Variants in ANKS1B observed in about 807,000 individuals in gnomAD.
The protein encoded by ANKS1B is ankyrin repeat and sterile alpha motif domain containing 1B.
In ANKS1B, 36 loss-of-function variants were observed where a neutral mutation model predicts 148.3. The observed-to-expected ratio is 0.24, with a 90% confidence interval of 0.19 to 0.32. ANKS1B has a LOEUF of 0.32. Ranked by LOEUF, ANKS1B falls within the 10% of genes least tolerant of loss-of-function variation. The pLI is 1.00. For missense variants in ANKS1B, 1,157 were observed against 1,542.6 expected, an observed-to-expected ratio of 0.75 and a Z score of 4.19; for synonymous variants, 542 against 560.8, an observed-to-expected ratio of 0.97 and a Z score of 0.47.
intron 8 of ANKS1B, among the ~76,000 whole-genome samples, chr12:99,683,033 G>A (rs2098630287): frequency 2.0e-5 from 3 of 152,166 alleles, no homozygotes; most frequent in South Asian, 4.1e-4. Context: ...AGACATGAGA[G>A]AAAGAGAATC....
At chr12:99,157,377 G>A (rs985051918) in intron 14 of ANKS1B, among the ~76,000 whole-genome samples, 1 of 152,136 alleles carries the variant, frequency 6.6e-6, no homozygotes, top group Non-Finnish European at 1.5e-5. Context: ...ACTTTGGCTT[G>A]GCAAGGCACA....
chr12:99,121,716 G>A (rs916618440), intron 15 of ANKS1B, among the ~76,000 whole-genome samples: 4 of 152,154 alleles, frequency 2.6e-5, no homozygotes, highest in African/African-American at 9.7e-5. Flanking sequence ...ACTGAGTGTT[G>A]CTAAGGGCCA....
chr12:99,530,685 TACAG>T (rs1396517261), intron 9 of ANKS1B, among the ~76,000 whole-genome samples: 1 of 152,164 alleles, frequency 6.6e-6, no homozygotes, highest in African/African-American at 2.4e-5. Flanking sequence ...TTATTTAATC[TACAG>T]ACAGAGGTTA....
At chr12:99,266,609 G>A (rs1230178227) in intron 12 of ANKS1B, among the ~76,000 whole-genome samples, 2 of 152,170 alleles carry the variant, frequency 1.3e-5, no homozygotes, top group Non-Finnish European at 2.9e-5. Context: ...AGAGTAAAGA[G>A]TATAACATTT....
chr12:99,446,032 A>G (rs944633977), intron 10 of ANKS1B, among the ~76,000 whole-genome samples: 1 of 151,852 alleles, frequency 6.6e-6, no homozygotes, highest in African/African-American at 2.4e-5. Context: ...CCAAAAGTAT[A>G]CTCTTAAATG....
intron 26 of ANKS1B, among the ~76,000 whole-genome samples, chr12:98,748,632 C>A (rs1296429827): frequency 5.3e-5 from 8 of 152,214 alleles, no homozygotes; most frequent in African/African-American, 1.9e-4. Context: ...TCTTAGGGAT[C>A]ACTGAATATT....
At chr12:99,191,527 A>C (rs933406800) in intron 14 of ANKS1B, among the ~76,000 whole-genome samples, 2 of 152,222 alleles carry the variant, frequency 1.3e-5, no homozygotes, top group Non-Finnish European at 2.9e-5. Flanking sequence ...AAAAAGGATG[A>C]GTTCATGTCC....
At chr12:99,685,656 A>G (rs1450660484) in intron 8 of ANKS1B, among the ~76,000 whole-genome samples, 1 of 152,194 alleles carries the variant, frequency 6.6e-6, no homozygotes, top group Non-Finnish European at 1.5e-5. Flanking sequence ...ACAACTGGCA[A>G]TTGCAAAAAT....
chr12:98,879,242 AC>A (rs771917671), intron 17 of ANKS1B, among the ~76,000 whole-genome samples: 1 of 152,224 alleles, frequency 6.6e-6, no homozygotes, highest in Non-Finnish European at 1.5e-5. Flanking sequence ...TTAATTGAGC[AC>A]CTACAAACTG....
intron 1 of ANKS1B, among the ~76,000 whole-genome samples, chr12:99,903,407 G>A (rs1344226278): frequency 6.6e-6 from 1 of 152,186 alleles, no homozygotes. Context: ...GACCCTGTAA[G>A]AGTCCAGGGA....
intron 14 of ANKS1B, among the ~76,000 whole-genome samples, chr12:99,163,467 C>CGTGTG (rs1555318162): frequency 1.5e-5 from 2 of 135,004 alleles, no homozygotes; most frequent in Non-Finnish European, 3.2e-5. Flanking sequence ...TACATGCACT[C>CGTGTG]TGTGTGTGTG....
intron 9 of ANKS1B, among the ~76,000 whole-genome samples, chr12:99,647,386 A>G (rs2098380869): frequency 6.6e-6 from 1 of 152,224 alleles, no homozygotes; most frequent in Non-Finnish European, 1.5e-5. Flanking sequence ...ACATTGATAA[A>G]CATCCTGTAC....
chr12:99,471,915 C>G (rs2096248513), intron 10 of ANKS1B, among the ~76,000 whole-genome samples: 2 of 152,018 alleles, frequency 1.3e-5, no homozygotes, highest in Admixed American at 1.3e-4. Context: ...TTGCTGTTGT[C>G]ACAATTCATT....
intron 14 of ANKS1B, among the ~76,000 whole-genome samples, chr12:99,163,071 T>A (rs1294215288): frequency 6.6e-6 from 1 of 151,972 alleles, no homozygotes; most frequent in Non-Finnish European, 1.5e-5. Flanking sequence ...AAAAAAAAAT[T>A]CTACTAAGTA....
At chr12:99,009,443 T>C (rs2099938017) in intron 17 of ANKS1B, among the ~76,000 whole-genome samples, 1 of 152,220 alleles carries the variant, frequency 6.6e-6, no homozygotes, top group Non-Finnish European at 1.5e-5. Context: ...CTCGGTTCTA[T>C]GCCCCCCAGA....
intron 12 of ANKS1B, among the ~76,000 whole-genome samples, chr12:99,367,376 AG>A (rs1198081691): frequency 6.6e-6 from 1 of 152,346 alleles, no homozygotes; most frequent in East Asian, 1.9e-4. Context: ...CTTACCTAGC[AG>A]ATTGGCACAC....
At chr12:99,661,608 AC>A (rs2098477872) in intron 8 of ANKS1B, among the ~76,000 whole-genome samples, 2 of 152,082 alleles carry the variant, frequency 1.3e-5, no homozygotes, top group African/African-American at 4.8e-5. Flanking sequence ...CCTCAAGTAT[AC>A]CAAACTTCCT....
intron 9 of ANKS1B, among the ~76,000 whole-genome samples, chr12:99,617,493 G>C (rs1028679399): frequency 1.5e-5 from 2 of 135,728 alleles, no homozygotes; most frequent in African/African-American, 5.6e-5. Flanking sequence ...GCAGGGACAT[G>C]GATGAAGCTG....
intron 1 of ANKS1B, among the ~76,000 whole-genome samples, chr12:99,933,278 T>A (rs1206600966): frequency 6.6e-6 from 1 of 152,176 alleles, no homozygotes; most frequent in Non-Finnish European, 1.5e-5. Context: ...TTTAGGATTA[T>A]TTTTTATGTT....
Sources: allele counts gnomAD v4.1 joint callset (sites outside exome capture counted in the v4.1 genomes callset), GRCh38; gene constraint gnomAD v4.1.1; transcripts MANE v1.5; gene names NCBI Gene and HGNC (gene_info 2026-07-23, HGNC 2026-07-21).